VPS36: variants seen among roughly 807,000 people sequenced by gnomAD.
VPS36 encodes the protein vacuolar protein-sorting-associated protein 36.
Under a neutral mutation model 63.5 loss-of-function variants are expected in VPS36, and 31 were observed. That is an observed-to-expected ratio of 0.49 (90% CI 0.37 to 0.66). VPS36 has a LOEUF of 0.66. Among genes scored for constraint, VPS36 ranks in the 30% least tolerant of loss-of-function variants. VPS36 has a pLI of 0.00. For synonymous variants in VPS36, 138 were observed against 157.2 expected, an observed-to-expected ratio of 0.88 and a Z score of 0.91; for missense variants, 338 against 463.7, an observed-to-expected ratio of 0.73 and a Z score of 2.49.
chr13:52,446,775 T>C (rs1271724745), intron 1 of VPS36, among the ~76,000 whole-genome samples: 2 of 152,110 alleles, frequency 1.3e-5, no homozygotes, highest in African/African-American at 4.8e-5. Context: ...TATATAACCT[T>C]TAAATAGAAT....
intron 5 of VPS36, 135 bp from the exon 6 acceptor site, chr13:52,433,883 A>G (rs1365669417): frequency 1.5e-6 from 1 of 654,416 alleles, no homozygotes; most frequent in African/African-American, 1.8e-5. Context: ...ATACACGGAC[A>G]TTTAGCTTCC....
intron 9 of VPS36, chr13:52,425,639 G>A (rs1958094844): frequency 8.8e-6 from 2 of 228,022 alleles, no homozygotes; most frequent in South Asian, 2.3e-4. Flanking sequence ...TAGATGTATG[G>A]AAATATATCT....
chr13:52,418,700 G>A (rs1958018051), intron 10 of VPS36, among the ~76,000 whole-genome samples: 1 of 151,122 alleles, frequency 6.6e-6, no homozygotes, highest in African/African-American at 2.4e-5. Context: ...AATTATTAAT[G>A]AGATATTTAA....
rs1957979274 is a variant in VPS36, at chr13:52,414,868, TC to T, written c.*961del. 1 of 152,230 alleles carries T rather than the reference TC, an allele frequency of 6.6e-6. No individual in the cohort carries two copies. Among genetic ancestry groups the T allele is most frequent in the East Asian group, 1.9e-4 (1 of 5,206 alleles). The allele number at this position is 152,230 out of a possible 1,614,324, so 9.4% of individuals were successfully genotyped here. On this transcript the variant is annotated 3_prime_UTR_variant, in exon 14 of 14. Transcript: ENST00000378060. Reference sequence around the variant, plus strand: ...ATGCAGTATTAGCCAGTTGTTGTTATCTCAGTAACATTTCTTACCGAAGTAG... The same window carrying T: ...ATGCAGTATTAGCCAGTTGTTGTTATTCAGTAACATTTCTTACCGAAGTAG...
intron 9 of VPS36, 165 bp downstream of exon 9, chr13:52,425,767 G>T (rs1207230300): frequency 6.4e-6 from 4 of 628,152 alleles, no homozygotes; most frequent in Admixed American, 4.1e-5. Context: ...AAATTACAAA[G>T]AATAATAAGC....
intron 10 of VPS36, among the ~76,000 whole-genome samples, chr13:52,422,566 T>C (rs1958057410): frequency 6.6e-6 from 1 of 152,184 alleles, no homozygotes; most frequent in African/African-American, 2.4e-5. Flanking sequence ...GTCTCTACCC[T>C]TAAGTACATT....
At chr13:52,445,105 G>A (rs1398671334) in intron 1 of VPS36, among the ~76,000 whole-genome samples, 1 of 152,114 alleles carries the variant, frequency 6.6e-6, no homozygotes, top group African/African-American at 2.4e-5. Flanking sequence ...CACTTCATGA[G>A]AGATTGTCCC....
At chr13:52,440,199 G>A (rs567537005) in intron 2 of VPS36, among the ~76,000 whole-genome samples, 8 of 151,738 alleles carry the variant, frequency 5.3e-5, no homozygotes, top group South Asian at 2.1e-4. Context: ...GGCTAGTCTC[G>A]AACTCCTGAC....
rs189487135 is a variant in VPS36 at position 52,419,705 on chromosome 13, G to A, written c.841-1649C>T. 1.6e-3 allele frequency among the ~76,000 whole-genome samples: 249 copies of A among 152,326 alleles called. 2 individuals carry two copies. The highest frequency in any genetic ancestry group is 3.4e-3 in the Middle Eastern group (1 of 294). The stretch of plus-strand genomic sequence containing the variant: ...AGAAATCTGCACTCCCATGGTTATT[G>A]CAGCACTATTCACAACAGTCAACAT... On this transcript the variant is annotated intron_variant, in intron 10 of 13. Coordinates refer to ENST00000378060, the MANE Select transcript of VPS36 (RefSeq NM_016075.4).
At chr13:52,435,253 G>T (rs779736747) in intron 4 of VPS36, among the ~76,000 whole-genome samples, 22 of 152,052 alleles carry the variant, frequency 1.4e-4, no homozygotes, top group South Asian at 6.2e-4. Context: ...TTATAGGTGT[G>T]AGCCACCGCG....
intron 10 of VPS36, among the ~76,000 whole-genome samples, chr13:52,418,573 CAAA>C (rs1201650906): frequency 1.9e-4 from 6 of 31,172 alleles, no homozygotes; most frequent in African/African-American, 3.9e-4. Context: ...GACTCCATCT[CAAA>C]AAAAAAAAAA....
intron 9 of VPS36, among the ~76,000 whole-genome samples, chr13:52,425,252 C>CA (rs748988364): frequency 0.052 from 3,495 of 66,786 alleles, 67 homozygotes; most frequent in African/African-American, 0.072. Context: ...GACTCCGCCT[C>CA]AAAAAAAAAA....
At chr13:52,420,500 T>C (rs1280439480) in intron 10 of VPS36, among the ~76,000 whole-genome samples, 1 of 151,240 alleles carries the variant, frequency 6.6e-6, no homozygotes, top group Non-Finnish European at 1.5e-5. Flanking sequence ...GCCCGGCTAA[T>C]TGTTGTATTT....
At chr13:52,442,270 T>C in intron 2 of VPS36, 107 bp downstream of exon 2, 1 of 987,008 alleles carries the variant, frequency 1.0e-6, no homozygotes, top group Non-Finnish European at 1.4e-6. Context: ...GAGAATCACT[T>C]GAGCCCAGAG....
intron 9 of VPS36, 67 bp from the exon 10 acceptor site, chr13:52,423,706 G>T (rs1958068518): frequency 1.4e-6 from 2 of 1,391,774 alleles, no homozygotes; most frequent in South Asian, 1.3e-5. Flanking sequence ...TTTCTTAACA[G>T]AAATCATAAT....
Position 52,415,804 on chromosome 13 carries a change from CA to C in VPS36, c.*25del, listed in dbSNP as rs764673286. ...CCTCTACATGACGCAAGCATATGGA[CA>C]AAAAGGATTTTAAATACAAAACCCT... On this transcript the variant is annotated 3_prime_UTR_variant, in exon 14 of 14. Transcript: ENST00000378060. 2.6e-5 allele frequency: 42 copies of C among 1,609,092 alleles called. No individual in the cohort carries two copies. Among genetic ancestry groups the C allele is most frequent in the Non-Finnish European group, 3.3e-5 (39 of 1,176,990 alleles).
At chr13:52,432,515 T>C (rs990840035) in intron 6 of VPS36, among the ~76,000 whole-genome samples, 3 of 152,212 alleles carry the variant, frequency 2.0e-5, no homozygotes, top group Non-Finnish European at 2.9e-5. Flanking sequence ...AAACATTTCT[T>C]TAAAAAGTAT....
At chr13:52,427,481 C>G (rs1318235516) in intron 6 of VPS36, among the ~76,000 whole-genome samples, 1 of 152,138 alleles carries the variant, frequency 6.6e-6, no homozygotes, top group Non-Finnish European at 1.5e-5. Flanking sequence ...GTGGCGGGCG[C>G]CTGTAGTCCC....
At chr13:52,436,165 G>A (rs980800660) in intron 4 of VPS36, 125 bp downstream of exon 4, 21 of 563,804 alleles carry the variant, frequency 3.7e-5, no homozygotes, top group Admixed American at 3.2e-4. Context: ...GTAAAAATAT[G>A]GTGAAATCTG....
Sources: allele counts gnomAD v4.1 joint callset (sites outside exome capture counted in the v4.1 genomes callset), GRCh38; gene constraint gnomAD v4.1.1; transcripts MANE v1.5; gene names NCBI Gene and HGNC (gene_info 2026-07-23, HGNC 2026-07-21).